Variants in TRPM7 observed in about 807,000 individuals in gnomAD.
The protein encoded by TRPM7 is transient receptor potential cation channel subfamily M member 7, also known as LTRPC ion channel family member 7.
In TRPM7, 134 loss-of-function variants were observed where a neutral mutation model predicts 229.7. The observed-to-expected ratio is 0.58, with a 90% CI of 0.51 to 0.67. The LOEUF is 0.67. TRPM7 is among the 30% of genes least tolerant of loss of function. The pLI is 0.00. For missense variants in TRPM7, 1,901 were observed against 2,210.0 expected, an observed-to-expected ratio of 0.86 and a Z score of 2.80; for synonymous variants, 699 against 715.2, an observed-to-expected ratio of 0.98 and a Z score of 0.36.
chr15:50,609,837 T>C lies in TRPM7; in HGVS notation c.2405A>G (p.Asn802Ser), dbSNP rs770682403. Residue 802 changes from asparagine (N) to serine (S), a missense_variant, in exon 18 of 39, where the codon AAC becomes AGC. By Grantham distance (46) the Asn-to-Ser change is conservative. Around this residue, in one of 8 missense-constraint regions of TRPM7, gnomAD observed 207 missense variants for 241.5 expected, o/e 0.86. Transcript: ENST00000646667. ...GATCTCTTCTGTTATGTTCTGAAAGTTGTTTTCGCTGTCATCCATTGTCAT... is the reference window on the plus strand; with the variant it reads ...GATCTCTTCTGTTATGTTCTGAAAGCTGTTTTCGCTGTCATCCATTGTCAT... ...HQMTMDDSEN[N>S]FQNITEEIPM... The C allele has an allele frequency of 1.9e-6, 3 of 1,613,036 alleles. No individual in the cohort carries two copies. Among genetic ancestry groups the C allele is most frequent in the East Asian group, 4.5e-5 (2 of 44,800 alleles).
intron 1 of TRPM7, among the ~76,000 whole-genome samples, chr15:50,678,064 C>T (rs2062136213): frequency 6.7e-6 from 1 of 149,728 alleles, no homozygotes; most frequent in Non-Finnish European, 1.5e-5. Flanking sequence ...ATGGTGAAAC[C>T]ACGTCTCTAC....
At position 50,686,457 on chromosome 15, in the gene TRPM7, T is replaced by G; in HGVS notation, c.3+74A>C. The G allele has an allele frequency of 2.5e-6, 4 of 1,613,256 alleles. No homozygotes were observed. The African/African-American group carries it at 4.0e-5, about 16-fold the overall frequency. The stretch of plus-strand genomic sequence containing the variant: ...CATGGAACGCGGCTCCCCACACACT[T>G]GCCTGCCAAGTCTCTCCTTTACCGC... On this transcript the variant is annotated intron_variant, in intron 1 of 38. Transcript: ENST00000646667.
intron 1 of TRPM7, among the ~76,000 whole-genome samples, chr15:50,674,423 C>A (rs1337746083): frequency 6.6e-6 from 1 of 152,200 alleles, no homozygotes; most frequent in African/African-American, 2.4e-5. Flanking sequence ...TGAGCCGTGG[C>A]ACCCAGCCAG....
intron 7 of TRPM7, among the ~76,000 whole-genome samples, chr15:50,635,925 G>C (rs866967839): frequency 3.9e-5 from 6 of 151,944 alleles, no homozygotes; most frequent in Middle Eastern, 3.4e-3. Context: ...GTTGCAGCGA[G>C]GTGAGATCGG....
chr15:50,634,859 A>G lies in TRPM7; in HGVS notation c.833-303T>C, dbSNP rs561183905. On this transcript the variant is annotated intron_variant, in intron 7 of 38. Coordinates refer to ENST00000646667, the MANE Select transcript of TRPM7 (RefSeq NM_017672.6). ...AAATAATTTATATATTCACTACTTA[A>G]AAGTAAAAATTTGTTTTCCATATTT... Among the ~76,000 whole-genome samples the G allele has an allele frequency of 4.6e-5, 7 of 152,294 alleles. No individual in the cohort carries two copies. The East Asian group carries it at 1.3e-3, about 29-fold the overall frequency.
intron 13 of TRPM7, among the ~76,000 whole-genome samples, chr15:50,617,695 C>A (rs769468722): frequency 6.6e-6 from 1 of 152,082 alleles, no homozygotes; most frequent in Non-Finnish European, 1.5e-5. Flanking sequence ...TGTACCCAGA[C>A]TGGAGTACAG....
intron 20 of TRPM7, among the ~76,000 whole-genome samples, chr15:50,605,639 T>C (rs951525421): frequency 1.3e-5 from 2 of 152,226 alleles, no homozygotes; most frequent in Admixed American, 1.3e-4. Context: ...TCAAAATTCA[T>C]GGTGTATCAT....
At chr15:50,654,340 G>A (rs1162525635) in intron 3 of TRPM7, among the ~76,000 whole-genome samples, 7 of 151,164 alleles carry the variant, frequency 4.6e-5, no homozygotes, top group African/African-American at 1.5e-4. Context: ...CCAGCTACTC[G>A]GGAGGCTAAG....
chr15:50,664,068 G>A (rs1336434502), intron 1 of TRPM7, among the ~76,000 whole-genome samples: 2 of 152,168 alleles, frequency 1.3e-5, no homozygotes, highest in African/African-American at 2.4e-5. Context: ...GGGAGGCTGA[G>A]GTGGGCGGAT....
rs755129972 is a variant in TRPM7 at position 50,613,692 on chromosome 15, T to C, written c.1770+15A>G. ...AAATAAAAACCCAGAAAGAATAATA[T>C]TTAAATAAATTTACCTTTGGTCGGT... On this transcript the variant is annotated intron_variant, in intron 15 of 38. Transcript: ENST00000646667. 7 of 1,510,018 alleles carry C rather than the reference T, an allele frequency of 4.6e-6. No homozygotes were observed. Among genetic ancestry groups the C allele is most frequent in the Non-Finnish European group, 5.3e-6 (6 of 1,134,338 alleles). 93.5% of individuals were successfully genotyped at this position (1,510,018 alleles called of 1,614,324 possible). A position where few individuals can be genotyped will look rare whatever the true frequency, so the allele number is the denominator to read the frequency against.
At chr15:50,581,297 G>A (rs1458594646) in intron 29 of TRPM7, among the ~76,000 whole-genome samples, 3 of 151,852 alleles carry the variant, frequency 2.0e-5, no homozygotes, top group African/African-American at 4.8e-5. Context: ...TCAGGAGTTC[G>A]AGACCAGCCT....
In TRPM7 at chr15:50,663,004, A is replaced by G; in HGVS notation, c.46T>C (p.Cys16Arg). 5 of 1,613,864 alleles carry G rather than the reference A, an allele frequency of 3.1e-6. No homozygotes were observed. The highest frequency in any genetic ancestry group is 4.2e-6 in the Non-Finnish European group (5 of 1,179,830). Residue 16 changes from cysteine (C) to arginine (R), a missense_variant, in exon 2 of 39, where the codon TGT (cysteine) becomes CGT (arginine). Around this residue, in one of 8 missense-constraint regions of TRPM7, gnomAD observed 794 missense variants for 881.9 expected, o/e 0.90. Transcript: ENST00000646667. ...WIESTLTKRE[C>R]VYIIPSSKDP... is the part of the protein sequence containing the mutation. ...TTGGAACTTGGTATAATATATACAC[A>G]TTCCCTCTTGGTCAAAGTGCTTTCT...
chr15:50,583,247 G>C, intron 28 of TRPM7, 88 bp from the exon 29 acceptor site: 1 of 844,820 alleles, frequency 1.2e-6, no homozygotes, highest in South Asian at 1.8e-5. Flanking sequence ...TCTAGGCACA[G>C]TATAACCTTC....
At chr15:50,630,114 A>G (rs1004854469) in intron 10 of TRPM7, among the ~76,000 whole-genome samples, 16 of 151,998 alleles carry the variant, frequency 1.1e-4, no homozygotes, top group African/African-American at 3.9e-4. Context: ...CACCCGCCTT[A>G]GCCTCCCAAA....
chr15:50,639,264 T>G (rs1160272347), intron 6 of TRPM7, among the ~76,000 whole-genome samples, 160 bp downstream of exon 6: 1 of 152,210 alleles, frequency 6.6e-6, no homozygotes, highest in South Asian at 2.1e-4. Flanking sequence ...TTTATATTTA[T>G]GCATTTCCAA....
At chr15:50,584,371 T>G (rs2054581482) in intron 28 of TRPM7, among the ~76,000 whole-genome samples, 1 of 152,176 alleles carries the variant, frequency 6.6e-6, no homozygotes, top group Non-Finnish European at 1.5e-5. Flanking sequence ...CCAGAGAACC[T>G]AGAGTGTTGA....
intron 10 of TRPM7, among the ~76,000 whole-genome samples, chr15:50,629,966 A>T (rs968271721): frequency 6.7e-6 from 1 of 148,830 alleles, no homozygotes; most frequent in Non-Finnish European, 1.5e-5. Context: ...GGTTCAAGCA[A>T]TTCTTGTGCC....
intron 23 of TRPM7, 52 bp from the exon 24 acceptor site, chr15:50,594,665 A>G (rs1411746943): frequency 8.2e-7 from 1 of 1,219,506 alleles, no homozygotes; most frequent in Admixed American, 2.6e-5. Context: ...CATCTCTTAA[A>G]GTTTTAAATA....
In TRPM7 at chr15:50,613,455, T is replaced by C. The variant is rs1326652273; in HGVS notation, c.1770+252A>G. On this transcript the variant is annotated intron_variant, in intron 15 of 38. Transcript: ENST00000646667. ...AGGTGGAGGTTGCAGTGAGCCAAAA[T>C]TGTGCCACTACACTCCAGCCTGGTG... Among the ~76,000 whole-genome samples the C allele has an allele frequency of 3.5e-5, 5 of 142,066 alleles. No homozygotes were observed. In the Admixed American group the frequency reaches 3.9e-4, roughly 11 times the overall value. The allele number at this position is 142,066 out of a possible 152,430, so 93.2% of individuals were successfully genotyped here. A position where few individuals can be genotyped will look rare whatever the true frequency, so the allele number is the denominator to read the frequency against.
Sources: gnomAD v4.1 joint callset for allele counts (sites outside exome capture counted in the v4.1 genomes callset) on GRCh38, gnomAD v4.1.1 for gene constraint, gnomAD v4.1.1 regional missense constraint, MANE v1.5 for transcripts, NCBI Gene and HGNC (gene_info 2026-07-23, HGNC 2026-07-21) for gene names.